The following FHIP2A variants were observed in gnomAD, a reference collection of about 807,000 sequenced individuals.
The protein encoded by FHIP2A is FHF complex subunit HOOK interacting protein 2A.
Under a neutral mutation model 93.5 loss-of-function variants are expected in FHIP2A, and 46 were observed. The ratio of observed to expected loss-of-function variants is 0.49; its 90% confidence interval spans 0.39 to 0.63. FHIP2A has a LOEUF of 0.63. Among genes scored for constraint, FHIP2A ranks in the 20% least tolerant of loss-of-function variants. FHIP2A has a pLI of 0.00. For missense variants in FHIP2A, 769 were observed against 909.7 expected, an observed-to-expected ratio of 0.85 and a Z score of 1.99; for synonymous variants, 332 against 326.5, an observed-to-expected ratio of 1.02 and a Z score of -0.18.
intron 16 of FHIP2A, among the ~76,000 whole-genome samples, chr10:114,885,409 A>G (rs1354685302): frequency 6.6e-6 from 1 of 152,010 alleles, no homozygotes; most frequent in South Asian, 2.1e-4. Context: ...AAAAAAAAAA[A>G]AAGAAAAAAA....
In FHIP2A at chr10:114,846,155, T is replaced by G. The variant is rs2083699547; in HGVS notation, c.1206-20T>G. ...TGTCATGTTATTTTTGCCCACTGACTACCTGTTCATTGTGCTCAGTTCTGA... is the reference window on the plus strand; with the variant it reads ...TGTCATGTTATTTTTGCCCACTGACGACCTGTTCATTGTGCTCAGTTCTGA... On this transcript the variant is annotated intron_variant, in intron 9 of 16. Coordinates refer to ENST00000369248, the MANE Select transcript of FHIP2A (RefSeq NM_020940.4). 6.2e-7 allele frequency: 1 copy of G among 1,613,126 alleles called. No individual in the cohort carries two copies. The highest frequency in any genetic ancestry group is 1.3e-5 in the African/African-American group (1 of 74,910).
At chr10:114,894,688 T>G (rs780648870) in intron 16 of FHIP2A, among the ~76,000 whole-genome samples, 2 of 152,172 alleles carry the variant, frequency 1.3e-5, no homozygotes, top group Non-Finnish European at 2.9e-5. Flanking sequence ...TCAAGTATGT[T>G]CAAAGCTTAT....
intron 13 of FHIP2A, among the ~76,000 whole-genome samples, chr10:114,850,695 G>A (rs998578207): frequency 4.6e-5 from 7 of 152,026 alleles, no homozygotes; most frequent in Non-Finnish European, 8.8e-5. Flanking sequence ...GCAAGACCCT[G>A]TCTCCAAAAA....
chr10:114,870,317 C>T (rs1426225919), intron 16 of FHIP2A, among the ~76,000 whole-genome samples: 1 of 152,142 alleles, frequency 6.6e-6, no homozygotes, highest in African/African-American at 2.4e-5. Flanking sequence ...TATCTACAAA[C>T]TCTTCAGAAA....
At chr10:114,860,994 A>G (rs934654120) in intron 15 of FHIP2A, 105 bp downstream of exon 15, 82 of 1,156,294 alleles carry the variant, frequency 7.1e-5, no homozygotes, top group Admixed American at 2.8e-4. Flanking sequence ...AAATATATCT[A>G]CTGCTTAAAA....
At chr10:114,876,823 C>T (rs1028883064) in intron 16 of FHIP2A, among the ~76,000 whole-genome samples, 4 of 152,290 alleles carry the variant, frequency 2.6e-5, no homozygotes, top group Non-Finnish European at 2.9e-5. Flanking sequence ...ACCCCACTCG[C>T]CTCAGACTTC....
In FHIP2A at chr10:114,841,205, T is replaced by C. The variant is rs2083666485; in HGVS notation, c.523-1728T>C. 2.0e-5 allele frequency among the ~76,000 whole-genome samples: 3 copies of C among 152,284 alleles called. No individual in the cohort carries two copies. The South Asian group carries it at 6.2e-4, about 32-fold the overall frequency. ...CTAACATCCTTCCTCTTGCTGTTCTTATTTGAGACGCCTCTCCCAACAATA... is the reference window on the plus strand; with the variant it reads ...CTAACATCCTTCCTCTTGCTGTTCTCATTTGAGACGCCTCTCCCAACAATA... On this transcript the variant is annotated intron_variant, in intron 5 of 16. Coordinates refer to ENST00000369248, the MANE Select transcript of FHIP2A (RefSeq NM_020940.4).
At chr10:114,840,724 T>A (rs2083663899) in intron 5 of FHIP2A, among the ~76,000 whole-genome samples, 1 of 152,214 alleles carries the variant, frequency 6.6e-6, no homozygotes, top group South Asian at 2.1e-4. Flanking sequence ...CTGGAATTCC[T>A]GAACCAATAA....
intron 13 of FHIP2A, among the ~76,000 whole-genome samples, chr10:114,850,583 C>T (rs562115878): frequency 6.6e-6 from 1 of 152,238 alleles, no homozygotes; most frequent in Admixed American, 6.5e-5. Flanking sequence ...ACCTGTAGTT[C>T]CAGCTATTGG....
intron 1 of FHIP2A, 112 bp from the exon 2 acceptor site, chr10:114,830,740 C>T: frequency 3.6e-6 from 2 of 548,340 alleles, no homozygotes; most frequent in Non-Finnish European, 3.1e-6. Context: ...AAACAAAGTT[C>T]ACCCCTTATT....
intron 7 of FHIP2A, among the ~76,000 whole-genome samples, chr10:114,845,060 G>A (rs976369119): frequency 2.7e-5 from 4 of 150,542 alleles, no homozygotes; most frequent in African/African-American, 4.9e-5. Context: ...ACCCACGCAC[G>A]TTGGCCTCCC....
intron 1 of FHIP2A, among the ~76,000 whole-genome samples, chr10:114,827,497 T>TA (rs2083583207): frequency 6.6e-6 from 1 of 151,950 alleles, no homozygotes; most frequent in Admixed American, 6.6e-5. Flanking sequence ...AGCCAGCTGG[T>TA]AAAGAGTATC....
rs1160011205 is a variant in FHIP2A at position 114,856,246 on chromosome 10, A to G, written c.1947+906A>G. 2.6e-5 allele frequency among the ~76,000 whole-genome samples: 4 copies of G among 152,370 alleles called. 1 individual carries two copies. The highest frequency in any genetic ancestry group is 2.6e-4 in the Admixed American group (4 of 15,306). On this transcript the variant is annotated intron_variant, in intron 14 of 16. Transcript: ENST00000369248. ...GAAGTATTTCACTATGTTAGAGTTT[A>G]GTCAGCGTTGTTTCTGACGGTAATC...
chr10:114,896,770 A>G (rs1012388938), intron 16 of FHIP2A, among the ~76,000 whole-genome samples: 1 of 152,236 alleles, frequency 6.6e-6, no homozygotes, highest in Non-Finnish European at 1.5e-5. Flanking sequence ...CACCTAGGGC[A>G]CAGGTCATCA....
chr10:114,857,419 C>T (rs532937666), intron 14 of FHIP2A, among the ~76,000 whole-genome samples: 7 of 151,650 alleles, frequency 4.6e-5, no homozygotes, highest in Non-Finnish European at 7.4e-5. Context: ...AAGCGATTCT[C>T]CCGTCTCAGC....
In FHIP2A at chr10:114,862,070, A is replaced by G. The variant is rs2083803507; in HGVS notation, c.*530A>G. 3 of 960,380 alleles carry G rather than the reference A, an allele frequency of 3.1e-6. No homozygotes were observed. Among genetic ancestry groups the G allele is most frequent in the African/African-American group, 1.8e-5 (1 of 56,648 alleles). The allele number at this position is 960,380 out of a possible 1,614,324, so 59.5% of individuals were successfully genotyped here. ...TCAGAAACCATTGAATGAATTAATT[A>G]TAGGCGATAAAAATGTGTAGAGCAC... is the stretch of plus-strand genomic sequence containing the variant. On this transcript the variant is annotated 3_prime_UTR_variant, in exon 17 of 17. Transcript: ENST00000369248.
chr10:114,851,976 CT>C (rs772060442), intron 13 of FHIP2A, among the ~76,000 whole-genome samples: 5 of 151,992 alleles, frequency 3.3e-5, no homozygotes, highest in Non-Finnish European at 5.9e-5. Context: ...ATTTTGTGAA[CT>C]TCATTTTCTG....
chr10:114,883,377 T>G (rs2083926538), intron 16 of FHIP2A, among the ~76,000 whole-genome samples: 1 of 152,148 alleles, frequency 6.6e-6, no homozygotes, highest in Non-Finnish European at 1.5e-5. Flanking sequence ...GTAAATTCTT[T>G]GAGCTCAAAG....
Position 114,862,710 on chromosome 10 carries a change from G to T in FHIP2A, c.*1170G>T, listed in dbSNP as rs2083807489. 1.0e-6 allele frequency: 1 copy of T among 985,490 alleles called. No individual in the cohort carries two copies. The highest frequency in any genetic ancestry group is 1.2e-6 in the Non-Finnish European group (1 of 830,066). 61.0% of individuals were successfully genotyped at this position (985,490 alleles called of 1,614,324 possible). ...TTGATTGACAAAATCGTGTTTGCCAGTCCACTTTCTATTTTTCCTTTAAGT... is the reference window on the plus strand; with the variant it reads ...TTGATTGACAAAATCGTGTTTGCCATTCCACTTTCTATTTTTCCTTTAAGT... On this transcript the variant is annotated 3_prime_UTR_variant, in exon 17 of 17. Coordinates refer to ENST00000369248, the MANE Select transcript of FHIP2A (RefSeq NM_020940.4).
Sources: allele counts gnomAD v4.1 joint callset (sites outside exome capture counted in the v4.1 genomes callset), GRCh38; gene constraint gnomAD v4.1.1; transcripts MANE v1.5; gene names NCBI Gene and HGNC (gene_info 2026-07-23, HGNC 2026-07-21).